PLCB2: variants seen among roughly 807,000 people sequenced by gnomAD.
PLCB2 encodes 1-phosphatidylinositol 4,5-bisphosphate phosphodiesterase beta-2.
PLCB2 carries 115 observed loss-of-function variants against 141.7 expected under a neutral mutation model. The ratio of observed to expected loss-of-function variants is 0.81; its 90% CI spans 0.70 to 0.95. PLCB2 has a LOEUF of 0.95. Among genes scored for constraint, PLCB2 ranks in the 40% least tolerant of loss-of-function variants. The pLI, the probability that PLCB2 is intolerant of heterozygous loss-of-function variation, is 0.00. For synonymous variants in PLCB2, 603 were observed against 595.6 expected, an observed-to-expected ratio of 1.01 and a Z score of -0.18; for missense variants, 1,403 against 1,541.1, an observed-to-expected ratio of 0.91 and a Z score of 1.50.
chr15:40,305,444 G>A, intron 1 of PLCB2, among the ~76,000 whole-genome samples: 1 of 152,158 alleles, frequency 6.6e-6, no homozygotes, highest in Non-Finnish European at 1.5e-5. Context: ...ACTACAGCGA[G>A]CTAACTGTGT....
Position 40,296,243 on chromosome 15 carries a change from G to A in PLCB2, c.1696+53C>T, listed in dbSNP as rs75344330. The A allele has an allele frequency of 2.6e-3, 3,607 of 1,384,726 alleles. 78 individuals carry two copies. The African/African-American group carries it at 0.046, about 18-fold the overall frequency. The allele number at this position is 1,384,726 out of a possible 1,614,324, so 85.8% of individuals were successfully genotyped here. On this transcript the variant is annotated intron_variant, in intron 16 of 31. Coordinates refer to ENST00000260402, the MANE Select transcript of PLCB2 (RefSeq NM_004573.3). ...TAGGCAGGGCCCCAAGTCCAAGGAA[G>A]GGGGAGATCCCCCTTCTTCTTACCC...
chr15:40,298,764 A>G, intron 9 of PLCB2, 34 bp downstream of exon 9: 1 of 1,611,272 alleles, frequency 6.2e-7, no homozygotes, highest in Non-Finnish European at 8.5e-7. Context: ...GCAGGACAGG[A>G]CCACAGGGGA....
chr15:40,302,367 G>C lies in PLCB2; in HGVS notation c.373-18C>G. 6.2e-7 allele frequency: 1 copy of C among 1,613,208 alleles called. No individual in the cohort carries two copies. The highest frequency in any genetic ancestry group is 8.5e-7 in the Non-Finnish European group (1 of 1,179,514). ...GCCCAGGCCTGCAGGACCACAGAGA[G>C]CAGCGGTCAGGCTCCTGAGCACCCC... On this transcript the variant is annotated intron_variant, in intron 4 of 31. Transcript: ENST00000260402.
At chr15:40,304,414 T>C (rs1277204664) in intron 1 of PLCB2, among the ~76,000 whole-genome samples, 1 of 152,106 alleles carries the variant, frequency 6.6e-6, no homozygotes, top group African/African-American at 2.4e-5. Context: ...CCCAAACTCC[T>C]GCACCAGCAT....
chr15:40,305,696 A>G (rs1306401510), intron 1 of PLCB2, among the ~76,000 whole-genome samples: 2 of 152,238 alleles, frequency 1.3e-5, no homozygotes, highest in Admixed American at 1.3e-4. Flanking sequence ...GTCTCCCAAG[A>G]ATCCTCAAAA....
At chr15:40,284,361 C>T (rs2039579395), downstream of PLCB2, 1 of 351,896 alleles carries the variant, frequency 2.8e-6, no homozygotes. Flanking sequence ...AGACGTTCCA[C>T]CTCTTAAGAA....
chr15:40,291,940 A>G lies in PLCB2; in HGVS notation c.2527-16T>C. 6.2e-7 allele frequency: 1 copy of G among 1,613,484 alleles called. No homozygotes were observed. The highest frequency in any genetic ancestry group is 8.5e-7 in the Non-Finnish European group (1 of 1,179,492). On this transcript the variant is annotated splice_polypyrimidine_tract_variant and intron_variant, in intron 23 of 31. Transcript: ENST00000260402. The stretch of plus-strand genomic sequence containing the variant: ...GGAAGGGCTTCTGTGTAGGGAGAGC[A>G]GGTCAGGAAGGTGGCTTGACAGCCC...
chr15:40,293,739 C>T lies in PLCB2; in HGVS notation c.2062-15G>A. On this transcript the variant is annotated splice_polypyrimidine_tract_variant and intron_variant, in intron 19 of 31. Coordinates refer to ENST00000260402, the MANE Select transcript of PLCB2 (RefSeq NM_004573.3). Reference sequence around the variant, plus strand: ...CCAGAGATCACCTGGGGGTAGGGGCCCAGGAAAACCAGCATCAAATCCCCA... The same window carrying T: ...CCAGAGATCACCTGGGGGTAGGGGCTCAGGAAAACCAGCATCAAATCCCCA... 1 of 1,599,440 alleles carries T rather than the reference C, an allele frequency of 6.3e-7. No individual in the cohort carries two copies. The highest frequency in any genetic ancestry group is 8.6e-7 in the Non-Finnish European group (1 of 1,168,656).
chr15:40,296,468 G>C (rs1258416860), intron 15 of PLCB2, 54 bp downstream of exon 15: 1 of 1,613,282 alleles, frequency 6.2e-7, no homozygotes, highest in Non-Finnish European at 8.5e-7. Flanking sequence ...CCCCCATCCA[G>C]GGGGCTTAAC....
chr15:40,297,931 GC>G lies in PLCB2; in HGVS notation c.1183del (p.Ala395ProfsTer48). ...KEAIEAIAES[A>X]FKTSPYPIIL... is the part of the protein sequence containing the mutation. ...GATGGGATAGGGGGAGGTCTTAAAG[GC>G]GCTTTCTGCAATAGCCTCAATTGCT... On this transcript the variant is annotated frameshift_variant, in exon 12 of 32. Coordinates refer to ENST00000260402, the MANE Select transcript of PLCB2 (RefSeq NM_004573.3). LOFTEE classifies it high-confidence loss of function. This position sits in a 1 kb window ranked among gnomAD's most constrained non-coding sequence, Gnocchi z 4.2. 2 of 1,613,328 alleles carry G rather than the reference GC, an allele frequency of 1.2e-6. No homozygotes were observed. Among genetic ancestry groups the G allele is most frequent in the South Asian group, 2.2e-5 (2 of 91,062 alleles).
chr15:40,295,850 A>C (rs759860699), intron 16 of PLCB2, among the ~76,000 whole-genome samples: 1 of 152,164 alleles, frequency 6.6e-6, no homozygotes, highest in Non-Finnish European at 1.5e-5. Context: ...AGAGCAACGT[A>C]CTGTGCTTGT....
chr15:40,288,470 A>C lies in PLCB2; in HGVS notation c.*245T>G. On this transcript the variant is annotated 3_prime_UTR_variant, in exon 32 of 32. Transcript: ENST00000260402. ...ACAAATATATGACACTTATCTAGAG[A>C]TGGAGGGGGAGGTAGGAAGTCAGCT... 7.9e-7 allele frequency: 1 copy of C among 1,260,838 alleles called. No homozygotes were observed. Among genetic ancestry groups the C allele is most frequent in the Non-Finnish European group, 1.0e-6 (1 of 1,002,334 alleles). The allele number at this position is 1,260,838 out of a possible 1,614,324, so 78.1% of individuals were successfully genotyped here. A position where few individuals can be genotyped will look rare whatever the true frequency, so the allele number is the denominator to read the frequency against.
At chr15:40,292,778 G>A (rs890695398) in intron 21 of PLCB2, 148 bp downstream of exon 21, 10 of 575,880 alleles carry the variant, frequency 1.7e-5, no homozygotes, top group Admixed American at 3.1e-5. Context: ...CCTCTCTTAG[G>A]TTCCTGGAGA....
In PLCB2 at chr15:40,289,253, C is replaced by G. The variant is rs1043692746; in HGVS notation, c.3354+19G>C. The stretch of plus-strand genomic sequence containing the variant: ...AACCCATTCAGTTCTGCTGGGGGTC[C>G]CAGTAGTGAACCTGTTACCTGCTTT... On this transcript the variant is annotated intron_variant, in intron 31 of 31. Coordinates refer to ENST00000260402, the MANE Select transcript of PLCB2 (RefSeq NM_004573.3). The G allele has an allele frequency of 6.3e-7, 1 of 1,599,494 alleles. No homozygotes were observed. Among genetic ancestry groups the G allele is most frequent in the Non-Finnish European group, 8.6e-7 (1 of 1,166,790 alleles).
chr15:40,297,945 A>G lies in PLCB2; in HGVS notation c.1170T>C (p.Ala390=), dbSNP rs1374557251. ...AGGTCTTAAAGGCGCTTTCTGCAAT[A>G]GCCTCAATTGCTTCCTGGAGGAGAA... ...TDIFFKEAIE[A]IAESAFKTSP... is the part of the protein sequence containing the mutation. The change falls in exon 12 of 32, where the codon GCT becomes GCC. Residue 390 remains alanine (A), a synonymous_variant. Coordinates refer to ENST00000260402, the MANE Select transcript of PLCB2 (RefSeq NM_004573.3). The surrounding 1 kb of genome is among the most constrained non-coding windows in gnomAD (Gnocchi z 4.2). The G allele has an allele frequency of 5.6e-6, 9 of 1,609,876 alleles. No individual in the cohort carries two copies. The South Asian group carries it at 8.8e-5, about 16-fold the overall frequency.
rs2039670790 is a variant in PLCB2 at position 40,288,517 on chromosome 15, G to A, written c.*198C>T. The stretch of plus-strand genomic sequence containing the variant: ...AGCTTGAGAAGACTTCTAGGCCCCA[G>A]AGAGGCCCTGCCGTGAGGGTGCCTG... On this transcript the variant is annotated 3_prime_UTR_variant, in exon 32 of 32. Transcript: ENST00000260402. 1 of 1,312,066 alleles carries A rather than the reference G, an allele frequency of 7.6e-7. No homozygotes were observed. The highest frequency in any genetic ancestry group is 1.5e-5 in the African/African-American group (1 of 67,878). 81.3% of individuals were successfully genotyped at this position (1,312,066 alleles called of 1,614,324 possible). A position where few individuals can be genotyped will look rare whatever the true frequency, so the allele number is the denominator to read the frequency against.
chr15:40,298,992 C>T, intron 8 of PLCB2, 28 bp from the exon 9 acceptor site: 1 of 1,598,138 alleles, frequency 6.3e-7, no homozygotes, highest in Non-Finnish European at 8.5e-7. Context: ...GAGCACAGGT[C>T]CATATCCCTT....
chr15:40,293,062 A>C (rs764931534), intron 20 of PLCB2, 37 bp from the exon 21 acceptor site: 1 of 1,354,294 alleles, frequency 7.4e-7, no homozygotes, highest in East Asian at 2.4e-5. Context: ...CTGGGAGGGG[A>C]GAGAGGAGCC....
At chr15:40,289,997 G>GTT in intron 30 of PLCB2, 28 bp downstream of exon 30, 2 of 1,251,530 alleles carry the variant, frequency 1.6e-6, no homozygotes, top group East Asian at 4.6e-5. Context: ...GTGTGTGTGT[G>GTT]TTTAGGAAGG....
Sources: gnomAD v4.1 joint callset for allele counts (sites outside exome capture counted in the v4.1 genomes callset) on GRCh38, gnomAD v4.1.1 for gene constraint, Gnocchi (gnomAD v3.1) non-coding constraint, MANE v1.5 for transcripts, NCBI Gene and HGNC (gene_info 2026-07-23, HGNC 2026-07-21) for gene names.